The following ZNF827 variants were observed in gnomAD, a reference collection of about 807,000 sequenced individuals.
The protein encoded by ZNF827 is zinc finger protein 827.
In ZNF827, 13 loss-of-function variants were observed where a neutral mutation model predicts 102.4. The observed-to-expected ratio is 0.13, with a 90% CI of 0.08 to 0.20. The LOEUF is 0.20. Among genes scored for constraint, ZNF827 ranks in the 10% least tolerant of loss-of-function variants. ZNF827 has a pLI of 1.00. For missense variants in ZNF827, 1,103 were observed against 1,344.4 expected (o/e 0.82, Z 2.81); for synonymous variants, 523 against 536.2 (o/e 0.98, Z 0.34).
intron 10 of ZNF827, 86 bp from the exon 11 acceptor site, chr4:145,774,758 A>G: frequency 7.2e-7 from 1 of 1,382,952 alleles, no homozygotes; most frequent in South Asian, 1.4e-5. Flanking sequence ...TACACAGTAC[A>G]CTCAAGAAAA....
intron 1 of ZNF827, among the ~76,000 whole-genome samples, chr4:145,938,048 T>G (rs553494841): frequency 5.5e-5 from 1 of 18,330 alleles, no homozygotes. Context: ...TCTTGCCCCC[T>G]CCCCCCAGCA....
intron 5 of ZNF827, among the ~76,000 whole-genome samples, chr4:145,850,207 C>A (rs1306270039): frequency 1.3e-5 from 2 of 151,862 alleles, no homozygotes; most frequent in African/African-American, 4.8e-5. Flanking sequence ...ACAGGGTTTC[C>A]CCATGTTGAC....
At chr4:145,922,028 G>T (rs964048153) in intron 1 of ZNF827, among the ~76,000 whole-genome samples, 1 of 152,228 alleles carries the variant, frequency 6.6e-6, no homozygotes, top group African/African-American at 2.4e-5. Context: ...AATGCACATT[G>T]TAAGATAATT....
intron 6 of ZNF827, 90 bp downstream of exon 6, chr4:145,849,232 T>C (rs1746281816): frequency 2.0e-6 from 3 of 1,469,592 alleles, no homozygotes; most frequent in Non-Finnish European, 2.7e-6. Flanking sequence ...AATCCTATAA[T>C]TCAGGTTTTT....
At chr4:145,906,642 A>C (rs1246310215) in intron 1 of ZNF827, among the ~76,000 whole-genome samples, 2 of 152,266 alleles carry the variant, frequency 1.3e-5, no homozygotes, top group African/African-American at 4.8e-5. Flanking sequence ...CCTACCAAGC[A>C]GTGATAAAGA....
At chr4:145,869,595 G>A (rs761761483) in intron 5 of ZNF827, among the ~76,000 whole-genome samples, 1 of 152,130 alleles carries the variant, frequency 6.6e-6, no homozygotes, top group African/African-American at 2.4e-5. Flanking sequence ...GGACAGGGCA[G>A]ATAGGAGATG....
chr4:145,930,357 C>T (rs572898762), intron 1 of ZNF827, among the ~76,000 whole-genome samples: 3 of 152,342 alleles, frequency 2.0e-5, no homozygotes, highest in Admixed American at 2.0e-4. Context: ...ACCCTGAGAT[C>T]CACATCTCTC....
chr4:145,827,738 T>C (rs1302930858), intron 7 of ZNF827, among the ~76,000 whole-genome samples: 2 of 152,218 alleles, frequency 1.3e-5, no homozygotes, highest in African/African-American at 2.4e-5. Context: ...GCATGCCCTA[T>C]AGAGCAGAGC....
At position 145,767,508 on chromosome 4, in the gene ZNF827, A is replaced by G. The variant is rs141406276; in HGVS notation, c.2861-1770T>C. 2.8e-3 allele frequency among the ~76,000 whole-genome samples: 419 copies of G among 152,326 alleles called. 2 individuals carry two copies. The highest frequency in any genetic ancestry group is 9.3e-3 in the African/African-American group (387 of 41,576). On this transcript the variant is annotated intron_variant, in intron 11 of 14. Coordinates refer to ENST00000508784, the MANE Select transcript of ZNF827 (RefSeq NM_001306215.2). The stretch of plus-strand genomic sequence containing the variant: ...GGAAAATCATAAACCCATAGATCCA[A>G]GAAGCTCAATGAACCTCAAGCATAA...
At chr4:145,810,921 G>A (rs755452061) in intron 8 of ZNF827, among the ~76,000 whole-genome samples, 8 of 151,848 alleles carry the variant, frequency 5.3e-5, no homozygotes, top group Non-Finnish European at 1.0e-4. Flanking sequence ...TTCCTAGAAC[G>A]AGACATTGAC....
intron 5 of ZNF827, among the ~76,000 whole-genome samples, chr4:145,858,897 T>C (rs891724346): frequency 2.6e-5 from 4 of 152,206 alleles, no homozygotes; most frequent in Admixed American, 2.6e-4. Flanking sequence ...AGGGGTTCAG[T>C]ATATGCAGAC....
chr4:145,902,410 A>T lies in ZNF827; in HGVS notation c.849T>A (p.Ser283=), dbSNP rs1441819333. The stretch of plus-strand genomic sequence containing the variant: ...TCAGAAGGGCCGCTGAGGAGGTCAT[A>T]GAAGCCAGGGAAAGGAAGGAGCTGG... ...PPASSFLSLA[S]MTSSAALLKE... is the part of the protein sequence containing the mutation. The change falls in exon 2 of 15, where the codon TCT becomes TCA. Residue 283 remains serine (S), a synonymous_variant. Coordinates refer to ENST00000508784, the MANE Select transcript of ZNF827 (RefSeq NM_001306215.2). The surrounding 1 kb of genome is among the most constrained non-coding windows in gnomAD (Gnocchi z 4.3). 1.9e-6 allele frequency: 3 copies of T among 1,614,176 alleles called. No individual in the cohort carries two copies. Among genetic ancestry groups the T allele is most frequent in the Non-Finnish European group, 2.5e-6 (3 of 1,180,042 alleles).
At position 145,849,548 on chromosome 4, in the gene ZNF827, C is replaced by G; in HGVS notation, c.1995G>C (p.Lys665Asn). The change falls in exon 6 of 15, where the codon AAG becomes AAC. Residue 665 changes from lysine (K) to asparagine (N), a missense_variant. Around this residue, in one of 5 missense-constraint regions of ZNF827, gnomAD observed 243 missense variants for 251.6 expected, o/e 0.97. Transcript: ENST00000508784. ...LLMKLSAESY[K>N]ETQMVKIKEE... ...CTTTAATCTTCACCATCTGTGTTTC[C>G]TTGTAGCTTTCCGCTGCAAGTAGGT... The G allele has an allele frequency of 6.2e-7, 1 of 1,613,994 alleles. No homozygotes were observed. Among genetic ancestry groups the G allele is most frequent in the Non-Finnish European group, 8.5e-7 (1 of 1,179,898 alleles).
chr4:145,778,536 C>T (rs1286519662), intron 9 of ZNF827, among the ~76,000 whole-genome samples: 2 of 152,076 alleles, frequency 1.3e-5, no homozygotes, highest in African/African-American at 2.4e-5. Context: ...CACTTGAACC[C>T]GGGAGGCAGA....
intron 8 of ZNF827, among the ~76,000 whole-genome samples, chr4:145,795,258 A>G (rs1377155671): frequency 6.6e-6 from 1 of 151,988 alleles, no homozygotes; most frequent in Non-Finnish European, 1.5e-5. Context: ...AGTGATTCTC[A>G]TGCCTCAGCC....
intron 3 of ZNF827, among the ~76,000 whole-genome samples, chr4:145,888,690 T>TCCTGCTAATACTTCA (rs1750338418): frequency 6.6e-6 from 1 of 152,246 alleles, no homozygotes; most frequent in African/African-American, 2.4e-5. Flanking sequence ...TCGGTCAGTT[T>TCCTGCTAATACTTCA]CCTGCTAATA....
chr4:145,935,527 A>G (rs951985736), intron 1 of ZNF827, among the ~76,000 whole-genome samples: 1 of 152,212 alleles, frequency 6.6e-6, no homozygotes, highest in Non-Finnish European at 1.5e-5. Flanking sequence ...AAATCCATTC[A>G]ATGCAAAGGT....
At chr4:145,766,187 G>A (rs1215296342) in intron 11 of ZNF827, among the ~76,000 whole-genome samples, 1 of 152,102 alleles carries the variant, frequency 6.6e-6, no homozygotes, top group African/African-American at 2.4e-5. Context: ...TGGAGAAGAG[G>A]TTTGAGTTCG....
At chr4:145,898,315 A>G (rs1175198019) in intron 2 of ZNF827, among the ~76,000 whole-genome samples, 1 of 152,194 alleles carries the variant, frequency 6.6e-6, no homozygotes, top group Non-Finnish European at 1.5e-5. Context: ...ACCCACAGGA[A>G]ATATTCTTAG....
Sources: gnomAD v4.1 joint callset for allele counts (sites outside exome capture counted in the v4.1 genomes callset) on GRCh38, gnomAD v4.1.1 for gene constraint, gnomAD v4.1.1 regional missense constraint, Gnocchi (gnomAD v3.1) non-coding constraint, MANE v1.5 for transcripts, NCBI Gene and HGNC (gene_info 2026-07-23, HGNC 2026-07-21) for gene names.